Variants in RANBP17 observed in about 807,000 individuals in gnomAD.
RANBP17 encodes the protein RAN binding protein 17, also known as ran-binding protein 17.
A neutral mutation model predicts 141.2 loss-of-function variants in RANBP17; 158 were observed. That is an observed-to-expected ratio of 1.12 (90% CI 0.98 to 1.28). RANBP17 has a LOEUF of 1.28. Among genes scored for constraint, RANBP17 ranks in the 50% most tolerant of loss-of-function variants. The pLI is 0.00. For synonymous variants in RANBP17, 430 were observed against 450.0 expected (o/e 0.96, Z 0.56); for missense variants, 1,438 against 1,290.7 (o/e 1.11, Z -1.75).
intron 14 of RANBP17, among the ~76,000 whole-genome samples, chr5:171,059,506 C>G (rs1329109544): frequency 2.0e-5 from 3 of 151,086 alleles, no homozygotes; most frequent in Non-Finnish European, 4.5e-5. Flanking sequence ...GGGCTCTGTT[C>G]TGTTCCATTG....
chr5:171,262,064 T>C (rs1393920302), intron 24 of RANBP17, among the ~76,000 whole-genome samples: 1 of 152,216 alleles, frequency 6.6e-6, no homozygotes. Context: ...TTTACCTGGC[T>C]TTTTCACAGC....
chr5:170,911,793 A>G (rs1444260730), intron 7 of RANBP17, among the ~76,000 whole-genome samples: 2 of 151,956 alleles, frequency 1.3e-5, no homozygotes, highest in African/African-American at 4.8e-5. Flanking sequence ...CAACTTGCTT[A>G]TAGAAAGGGA....
At chr5:171,150,966 TACTTTAAA>T (rs1758428576) in intron 14 of RANBP17, among the ~76,000 whole-genome samples, 1 of 152,242 alleles carries the variant, frequency 6.6e-6, no homozygotes, top group Non-Finnish European at 1.5e-5. Flanking sequence ...AAAATGCTTT[TACTTTAAA>T]AAGAAAATGA....
At chr5:171,109,319 A>G (rs866856073) in intron 14 of RANBP17, among the ~76,000 whole-genome samples, 1 of 152,198 alleles carries the variant, frequency 6.6e-6, no homozygotes, top group African/African-American at 2.4e-5. Flanking sequence ...TTTTTAAGCT[A>G]TAGTTGTTTA....
At chr5:171,248,655 CCTT>C (rs1765374049) in intron 24 of RANBP17, among the ~76,000 whole-genome samples, 1 of 152,188 alleles carries the variant, frequency 6.6e-6, no homozygotes, top group African/African-American at 2.4e-5. Flanking sequence ...GGTCACTCAC[CCTT>C]CCAGACCTGA....
At chr5:170,971,319 A>G (rs1332496958) in intron 14 of RANBP17, among the ~76,000 whole-genome samples, 2 of 152,224 alleles carry the variant, frequency 1.3e-5, no homozygotes, top group African/African-American at 4.8e-5. Context: ...GTCTGTGTCA[A>G]ATACTTTGCT....
chr5:171,033,858 C>T (rs1202703348), intron 14 of RANBP17, among the ~76,000 whole-genome samples: 1 of 152,084 alleles, frequency 6.6e-6, no homozygotes, highest in East Asian at 1.9e-4. Flanking sequence ...GTTTTCTGAT[C>T]TCAATCTCAT....
intron 24 of RANBP17, among the ~76,000 whole-genome samples, chr5:171,244,120 G>A (rs971554077): frequency 1.3e-5 from 2 of 151,366 alleles, no homozygotes; most frequent in African/African-American, 2.4e-5. Context: ...AGCTGGGCAC[G>A]GTGGCTCATG....
At chr5:171,218,718 G>A (rs1180739876) in intron 21 of RANBP17, among the ~76,000 whole-genome samples, 3 of 151,224 alleles carry the variant, frequency 2.0e-5, no homozygotes, top group Admixed American at 1.3e-4. Context: ...AGACTAGATT[G>A]CCACCCTTTT....
intron 14 of RANBP17, among the ~76,000 whole-genome samples, chr5:171,037,025 C>T (rs187518987): frequency 3.3e-5 from 5 of 152,204 alleles, no homozygotes; most frequent in African/African-American, 9.6e-5. Flanking sequence ...GTACTTTCCA[C>T]AGTAGCTGAA....
chr5:170,931,888 G>C (rs113022618), intron 12 of RANBP17, among the ~76,000 whole-genome samples: 1 of 152,100 alleles, frequency 6.6e-6, no homozygotes, highest in Non-Finnish European at 1.5e-5. Context: ...TTGGCAATGC[G>C]GGCTCTTTTT....
intron 5 of RANBP17, among the ~76,000 whole-genome samples, chr5:170,898,800 T>G (rs1288786050): frequency 3.3e-5 from 5 of 152,222 alleles, no homozygotes; most frequent in Admixed American, 2.0e-4. Flanking sequence ...TTCTTGTTTT[T>G]GTCAGGTTTG....
chr5:171,103,072 A>G (rs1239813209), intron 14 of RANBP17, among the ~76,000 whole-genome samples: 2 of 152,210 alleles, frequency 1.3e-5, no homozygotes, highest in African/African-American at 2.4e-5. Flanking sequence ...CTGGAGGCTC[A>G]GGGGTCAGGG....
intron 14 of RANBP17, among the ~76,000 whole-genome samples, chr5:171,014,497 C>T (rs988563643): frequency 1.3e-5 from 2 of 151,956 alleles, no homozygotes; most frequent in African/African-American, 4.8e-5. Context: ...TTATAGTATA[C>T]ATCCTTAATT....
At chr5:170,951,270 A>G (rs1775186577) in intron 12 of RANBP17, among the ~76,000 whole-genome samples, 1 of 152,158 alleles carries the variant, frequency 6.6e-6, no homozygotes, top group Non-Finnish European at 1.5e-5. Context: ...GAGGCAATAG[A>G]TATGCCAAAT....
intron 21 of RANBP17, among the ~76,000 whole-genome samples, chr5:171,216,812 T>A (rs543461529): frequency 6.6e-6 from 1 of 152,330 alleles, no homozygotes; most frequent in East Asian, 1.9e-4. Flanking sequence ...GTTTTTGGGC[T>A]GAGACGATGA....
At chr5:170,892,064 T>C (rs1462631536) in intron 3 of RANBP17, among the ~76,000 whole-genome samples, 1 of 152,114 alleles carries the variant, frequency 6.6e-6, no homozygotes, top group Non-Finnish European at 1.5e-5. Context: ...AGCATGTCAT[T>C]GCCACCTCTT....
At chr5:171,179,171 C>T (rs766940003) in intron 16 of RANBP17, among the ~76,000 whole-genome samples, 1 of 152,066 alleles carries the variant, frequency 6.6e-6, no homozygotes, top group Non-Finnish European at 1.5e-5. Flanking sequence ...ATGTTTAAGT[C>T]TTTAGTCCAT....
At chr5:171,293,776 T>C in intron 25 of RANBP17, 107 bp from the exon 26 acceptor site, 1 of 819,788 alleles carries the variant, frequency 1.2e-6, no homozygotes. Context: ...AGAGCTTTCA[T>C]AGCTGTTAGC....
Sources: allele counts gnomAD v4.1 joint callset (sites outside exome capture counted in the v4.1 genomes callset), GRCh38; gene constraint gnomAD v4.1.1; transcripts MANE v1.5; gene names NCBI Gene and HGNC (gene_info 2026-07-23, HGNC 2026-07-21).